Variants in RNF150 observed in about 807,000 individuals in gnomAD.
RNF150 encodes the protein ring finger protein 150.
RNF150 carries 24 observed loss-of-function variants against 39.3 expected under a neutral mutation model. That is an observed-to-expected ratio of 0.61 (90% CI 0.44 to 0.86). The LOEUF is 0.86. RNF150 is among the 40% of genes least tolerant of loss of function. RNF150 has a pLI of 0.00. For synonymous variants in RNF150, 255 were observed against 227.3 expected (o/e 1.12, Z -1.10); for missense variants, 502 against 587.8 (o/e 0.85, Z 1.51).
intron 4 of RNF150, among the ~76,000 whole-genome samples, chr4:140,928,414 G>A (rs1435689153): frequency 6.6e-6 from 1 of 151,846 alleles, no homozygotes; most frequent in Non-Finnish European, 1.5e-5. Flanking sequence ...GCTCATGCAA[G>A]AGCGCAGGGA....
chr4:140,958,247 G>A (rs765006674), intron 2 of RNF150, among the ~76,000 whole-genome samples: 4 of 152,022 alleles, frequency 2.6e-5, no homozygotes, highest in Non-Finnish European at 5.9e-5. Context: ...GGGTAGGAGG[G>A]GGGTGCTGGA....
chr4:141,122,458 G>A (rs1040930884), intron 1 of RNF150, among the ~76,000 whole-genome samples: 2 of 152,228 alleles, frequency 1.3e-5, no homozygotes, highest in Admixed American at 1.3e-4. Flanking sequence ...ATGCTCCTGA[G>A]TGAGCAAACA....
At chr4:141,062,585 C>A (rs948811324) in intron 1 of RNF150, among the ~76,000 whole-genome samples, 2 of 152,044 alleles carry the variant, frequency 1.3e-5, no homozygotes, top group Non-Finnish European at 2.9e-5. Flanking sequence ...TGAAAATATC[C>A]TTATCAAGAG....
chr4:141,057,304 T>C lies in RNF150; in HGVS notation c.484+75021A>G, dbSNP rs866031925. 1.4e-4 allele frequency among the ~76,000 whole-genome samples: 22 copies of C among 151,972 alleles called. No individual in the cohort carries two copies. In the South Asian group the frequency reaches 3.7e-3, roughly 26 times the overall value. ...AAATTATATTTTACATAATTAAAAT[T>C]ATGTGCATAATTTTATTATTATATA... On this transcript the variant is annotated intron_variant, in intron 1 of 6. Transcript: ENST00000515673.
Position 141,155,453 on chromosome 4 carries a change from C to T in RNF150, c.-6+57341G>A, listed in dbSNP as rs576229277. On this transcript the variant is annotated intron_variant, in intron 1 of 7. Transcript: ENST00000420921. ...CCTGCAAGCCGGCCATCCTACAGGC[C>T]GAGAAGCATAGATTCTGGCAGAAAC... Among the ~76,000 whole-genome samples, 10 of 151,948 alleles carry T rather than the reference C, an allele frequency of 6.6e-5. No individual in the cohort carries two copies. In the South Asian group the frequency reaches 1.5e-3, roughly 22 times the overall value.
chr4:140,990,212 G>A (rs1246532520), intron 1 of RNF150, among the ~76,000 whole-genome samples: 1 of 152,140 alleles, frequency 6.6e-6, no homozygotes, highest in Non-Finnish European at 1.5e-5. Context: ...TGTACAACCA[G>A]TGCAGAGTAT....
At chr4:141,184,016 T>A (rs148628874) in intron 1 of RNF150, among the ~76,000 whole-genome samples, 1,713 of 152,330 alleles carry the variant, frequency 0.011, 37 homozygotes, top group African/African-American at 0.038. Context: ...CCTTTGGGTA[T>A]ATACCCAGTA....
At chr4:140,988,568 C>T (rs1734087598) in intron 1 of RNF150, among the ~76,000 whole-genome samples, 1 of 151,966 alleles carries the variant, frequency 6.6e-6, no homozygotes, top group Non-Finnish European at 1.5e-5. Flanking sequence ...ATACATGTGC[C>T]ATGTTGGTGT....
intron 1 of RNF150, among the ~76,000 whole-genome samples, chr4:140,999,993 A>AAAGAAGAAGAAG (rs1169596089): frequency 1.6e-5 from 1 of 63,306 alleles, no homozygotes; most frequent in African/African-American, 5.3e-5. Flanking sequence ...GAAAAGAAGA[A>AAAGAAGAAGAAG]AAGAAGAAGA....
chr4:141,209,956 T>C (rs893162193), intron 1 of RNF150, among the ~76,000 whole-genome samples: 1 of 152,136 alleles, frequency 6.6e-6, no homozygotes, highest in African/African-American at 2.4e-5. Flanking sequence ...CTATTAACTA[T>C]TGTATTGGAA....
Position 141,132,357 on chromosome 4 carries a change from T to C in RNF150, c.452A>G (p.Asn151Ser). ...GGGCATGGTGATGGTCTCGTTGGTG[T>C]TGGAGCCCACGTTGAAGATGACCAC... ...SAVVIFNVGS[N>S]TNETITMPHA... The change falls in exon 1 of 7, where the codon AAC (asparagine) becomes AGC (serine). Residue 151 changes from asparagine (N) to serine (S), a missense_variant. Transcript: ENST00000515673. The surrounding 1 kb of genome is among the most constrained non-coding windows in gnomAD (Gnocchi z 4.9). The C allele has an allele frequency of 6.3e-7, 1 of 1,592,550 alleles. No homozygotes were observed.
intron 1 of RNF150, among the ~76,000 whole-genome samples, chr4:141,120,505 A>T (rs1028770038): frequency 2.6e-5 from 4 of 152,228 alleles, no homozygotes; most frequent in African/African-American, 9.6e-5. Flanking sequence ...GTGGCATAGC[A>T]AACTGAACTT....
rs1728627630 is a variant in RNF150, at chr4:140,864,587, T to C, written c.*3674A>G. On this transcript the variant is annotated 3_prime_UTR_variant, in exon 7 of 7. Transcript: ENST00000515673. ...GCCACATAAAGTCTTGCATTTCTCA[T>C]TCTTTCCTCCCAAGTTCGTGAGTTT... 2 of 152,212 alleles carry C rather than the reference T, an allele frequency of 1.3e-5. No homozygotes were observed. The highest frequency in any genetic ancestry group is 1.3e-4 in the Admixed American group (2 of 15,276). 9.4% of individuals were successfully genotyped at this position (152,212 alleles called of 1,614,324 possible). A position where few individuals can be genotyped will look rare whatever the true frequency, so the allele number is the denominator to read the frequency against.
intron 1 of RNF150, among the ~76,000 whole-genome samples, chr4:141,172,818 A>T (rs1204767151): frequency 6.6e-6 from 1 of 152,174 alleles, no homozygotes; most frequent in East Asian, 1.9e-4. Context: ...TGAGGTCAGG[A>T]GTTCAAGACC....
intron 1 of RNF150, among the ~76,000 whole-genome samples, chr4:141,080,674 T>G (rs918488114): frequency 6.6e-6 from 1 of 152,130 alleles, no homozygotes; most frequent in Admixed American, 6.5e-5. Flanking sequence ...TTAATTAGAT[T>G]TGTGTGAGAA....
chr4:141,069,613 T>G (rs868707935), intron 1 of RNF150, among the ~76,000 whole-genome samples: 18 of 151,134 alleles, frequency 1.2e-4, no homozygotes, highest in Non-Finnish European at 1.6e-4. Flanking sequence ...TTCTATTGAT[T>G]GGAATAGTTT....
chr4:140,956,233 G>T (rs959110785), intron 2 of RNF150, among the ~76,000 whole-genome samples: 2 of 152,174 alleles, frequency 1.3e-5, no homozygotes, highest in African/African-American at 4.8e-5. Context: ...AAAAGACAGG[G>T]ATACCTGCCA....
intron 1 of RNF150, among the ~76,000 whole-genome samples, chr4:141,090,744 C>T (rs148189740): frequency 1.6e-4 from 24 of 152,254 alleles, no homozygotes; most frequent in East Asian, 7.7e-4. Context: ...TATCTTTAGA[C>T]GGAGCAGCTG....
intron 1 of RNF150, among the ~76,000 whole-genome samples, chr4:141,151,310 A>T (rs1727292087): frequency 6.6e-6 from 1 of 151,896 alleles, no homozygotes; most frequent in African/African-American, 2.4e-5. Flanking sequence ...AAATATATTT[A>T]ATAGTATTAT....
Sources: gnomAD v4.1 joint callset for allele counts (sites outside exome capture counted in the v4.1 genomes callset) on GRCh38, gnomAD v4.1.1 for gene constraint, Gnocchi (gnomAD v3.1) non-coding constraint, MANE v1.5 for transcripts, NCBI Gene and HGNC (gene_info 2026-07-23, HGNC 2026-07-21) for gene names.